Variants in CORO7 observed in about 807,000 individuals in gnomAD.
CORO7 encodes the protein coronin-7.
In CORO7, 107 loss-of-function variants were observed where a neutral mutation model predicts 126.6. The observed-to-expected ratio is 0.85, with a 90% CI of 0.72 to 0.99. CORO7 has a LOEUF of 0.99. Among genes scored for constraint, CORO7 ranks in the 50% least tolerant of loss-of-function variants. CORO7 has a pLI of 0.00. For missense variants in CORO7, 1,314 were observed against 1,255.8 expected, an observed-to-expected ratio of 1.05 and a Z score of -0.70; for synonymous variants, 603 against 536.8, an observed-to-expected ratio of 1.12 and a Z score of -1.70.
At position 4,354,879 on chromosome 16, in the gene CORO7, T is replaced by C. The variant is rs1231852777; in HGVS notation, c.*279A>G. On this transcript the variant is annotated 3_prime_UTR_variant, in exon 28 of 28. Transcript: ENST00000251166. ...CAGGGGAGACAGGGTGCCCAGGGCC[T>C]GCCCAGGGACATGCTGCTGACCCCC... The C allele has an allele frequency of 2.4e-6, 1 of 418,912 alleles. No homozygotes were observed. Among genetic ancestry groups the C allele is most frequent in the Non-Finnish European group, 4.2e-6 (1 of 236,894 alleles). 25.9% of individuals were successfully genotyped at this position (418,912 alleles called of 1,614,324 possible). A position where few individuals can be genotyped will look rare whatever the true frequency, so the allele number is the denominator to read the frequency against.
At position 4,362,970 on chromosome 16, in the gene CORO7, T is replaced by G. The variant is rs1014349852; in HGVS notation, c.1276-232A>C. ...AGTGGCAGCTGCTGGCTCCCAGCCC[T>G]GCAGGAGGGTGTGCCCAGTGGGTTA... On this transcript the variant is annotated intron_variant, in intron 14 of 27. Coordinates refer to ENST00000251166, the MANE Select transcript of CORO7 (RefSeq NM_024535.5). The surrounding 1 kb of genome is among the most constrained non-coding windows in gnomAD (Gnocchi z 5.3). 10 of 408,526 alleles carry G rather than the reference T, an allele frequency of 2.4e-5. No homozygotes were observed. Among genetic ancestry groups the G allele is most frequent in the African/African-American group, 2.1e-4 (10 of 48,726 alleles). 25.3% of individuals were successfully genotyped at this position (408,526 alleles called of 1,614,324 possible).
intron 9 of CORO7, chr16:4,371,774 G>C (rs1259506440): frequency 1.3e-5 from 2 of 152,162 alleles, no homozygotes; most frequent in Non-Finnish European, 2.9e-5. Context: ...CCGGCCAATG[G>C]GGAGAGGCCC....
chr16:4,382,209 G>T, intron 9 of CORO7: 3 of 1,603,942 alleles, frequency 1.9e-6, no homozygotes, highest in Non-Finnish European at 2.5e-6. Context: ...GTGAGAGCCA[G>T]ATGGGGCAGG....
chr16:4,390,551 G>A (rs2055351422), intron 7 of CORO7, among the ~76,000 whole-genome samples: 1 of 152,220 alleles, frequency 6.6e-6, no homozygotes, highest in Non-Finnish European at 1.5e-5. Flanking sequence ...GAAACTGGAA[G>A]CAGAGAGACC....
At chr16:4,390,484 G>A (rs575883063) in intron 7 of CORO7, among the ~76,000 whole-genome samples, 1 of 152,210 alleles carries the variant, frequency 6.6e-6, no homozygotes, top group African/African-American at 2.4e-5. Flanking sequence ...TTCCTGCTAG[G>A]CTGGGAGGGT....
rs755829190 is a variant in CORO7 at position 4,381,829 on chromosome 16, G to A, written c.785+6157C>T. ...TGGCCCCTGGGTGCGCGAGAGCCAC[G>A]TCACACTGGCCAGCCCTGAGGAGAC... is the stretch of plus-strand genomic sequence containing the variant. On this transcript the variant is annotated intron_variant, in intron 9 of 27. Coordinates refer to ENST00000251166, the MANE Select transcript of CORO7 (RefSeq NM_024535.5). 6.9e-6 allele frequency: 11 copies of A among 1,601,210 alleles called. No homozygotes were observed. The East Asian group carries it at 1.1e-4, about 16-fold the overall frequency.
At chr16:4,399,205 A>C (rs2055711909) in intron 6 of CORO7, among the ~76,000 whole-genome samples, 1 of 152,196 alleles carries the variant, frequency 6.6e-6, no homozygotes, top group Admixed American at 6.5e-5. Context: ...TAGCAGCACT[A>C]CTCGCAATAG....
At chr16:4,387,763 C>A in intron 9 of CORO7, 1 of 594,788 alleles carries the variant, frequency 1.7e-6, no homozygotes, top group East Asian at 2.8e-5. Context: ...GCCCACTCTG[C>A]TACCAGGGGC....
In CORO7 at chr16:4,378,995, G is replaced by A. The variant is rs2054855861; in HGVS notation, c.785+8991C>T. On this transcript the variant is annotated intron_variant, in intron 9 of 27. Coordinates refer to ENST00000251166, the MANE Select transcript of CORO7 (RefSeq NM_024535.5). ...GGACAAGGGCTTCTTCCTTCACCTC[G>A]AGCTACCCGCAGACCCCAGTGGTCA... Among the ~76,000 whole-genome samples, 4 of 152,188 alleles carry A rather than the reference G, an allele frequency of 2.6e-5. 1 individual carries two copies. The Middle Eastern group carries it at 0.01, about 388-fold the overall frequency.
chr16:4,366,650 T>C (rs1175439003), intron 9 of CORO7, among the ~76,000 whole-genome samples: 2 of 150,948 alleles, frequency 1.3e-5, no homozygotes, highest in Admixed American at 1.3e-4. Context: ...CAAGCAATCT[T>C]CCCACTCAGC....
intron 9 of CORO7, 136 bp downstream of exon 9, chr16:4,387,850 G>A: frequency 9.1e-7 from 1 of 1,102,316 alleles, no homozygotes; most frequent in East Asian, 2.6e-5. Context: ...CTGTTGCAAG[G>A]CCTTGCAGCC....
intron 9 of CORO7, among the ~76,000 whole-genome samples, chr16:4,371,659 G>T (rs1057254457): frequency 6.6e-6 from 1 of 152,240 alleles, no homozygotes; most frequent in Non-Finnish European, 1.5e-5. Context: ...CCCACGACGG[G>T]CAAGGTCTCC....
At position 4,362,656 on chromosome 16, in the gene CORO7, C is replaced by T; in HGVS notation, c.1358G>A (p.Gly453Asp). The change falls in exon 15 of 28, where the codon GGC (glycine) becomes GAC (aspartate). Residue 453 changes from glycine to aspartate, a missense_variant. Physicochemically the swap from Gly to Asp is moderately conservative, Grantham distance 94. Coordinates refer to ENST00000251166, the MANE Select transcript of CORO7 (RefSeq NM_024535.5). This position sits in a 1 kb window ranked among gnomAD's most constrained non-coding sequence, Gnocchi z 5.3. ...CCTCAAACTGGGGCTGGTCCCGATGCCACTGGTGCTGGAGAGTGAGGGCCC... is the reference window on the plus strand; with the variant it reads ...CCTCAAACTGGGGCTGGTCCCGATGTCACTGGTGCTGGAGAGTGAGGGCCC... ...SLGPSLSSTS[G>D]IGTSPSLRSL... 1 of 1,550,968 alleles carries T rather than the reference C, an allele frequency of 6.4e-7. No homozygotes were observed. Among genetic ancestry groups the T allele is most frequent in the African/African-American group, 1.4e-5 (1 of 71,334 alleles).
intron 9 of CORO7, among the ~76,000 whole-genome samples, chr16:4,375,908 A>G (rs1277423546): frequency 6.6e-6 from 1 of 152,086 alleles, no homozygotes; most frequent in East Asian, 1.9e-4. Context: ...CAGGTGGGAG[A>G]CGGAAGCCCA....
intron 5 of CORO7, among the ~76,000 whole-genome samples, chr16:4,407,093 G>A (rs1418490598): frequency 1.3e-5 from 2 of 151,958 alleles, no homozygotes; most frequent in South Asian, 2.1e-4. Context: ...GATTACAGGT[G>A]TGTGCCACCA....
At position 4,361,114 on chromosome 16, in the gene CORO7, C is replaced by T. The variant is rs1181285684; in HGVS notation, c.1775-29G>A. 1.9e-6 allele frequency: 3 copies of T among 1,613,188 alleles called. No homozygotes were observed. The African/African-American group carries it at 4.0e-5, about 22-fold the overall frequency. On this transcript the variant is annotated intron_variant, in intron 18 of 27. Coordinates refer to ENST00000251166, the MANE Select transcript of CORO7 (RefSeq NM_024535.5). ...GAGGAAGGCAGGGGTGATCAGGAGC[C>T]CTTGGGAGACACTGGCCACCCCAGC... is the stretch of plus-strand genomic sequence containing the variant.
intron 26 of CORO7, 74 bp from the exon 27 acceptor site, chr16:4,355,446 C>G: frequency 6.7e-7 from 1 of 1,483,444 alleles, no homozygotes; most frequent in Non-Finnish European, 9.0e-7. Context: ...CAAGAACAAC[C>G]CTGACAAGGC....
Position 4,357,063 on chromosome 16 carries a change from G to A in CORO7, c.2685+105C>T, listed in dbSNP as rs2053997912. On this transcript the variant is annotated intron_variant, in intron 26 of 27. Coordinates refer to ENST00000251166, the MANE Select transcript of CORO7 (RefSeq NM_024535.5). ...CTCTGGTGTGAAGGGGACGTGACAT[G>A]TGGCTGCTGTCCCAGTCTGGGTTGG... 42 of 1,424,426 alleles carry A rather than the reference G, an allele frequency of 2.9e-5. No homozygotes were observed. The South Asian group carries it at 4.3e-4, about 15-fold the overall frequency. The allele number at this position is 1,424,426 out of a possible 1,614,324, so 88.2% of individuals were successfully genotyped here.
At chr16:4,414,195 A>G (rs1418828306) in intron 1 of CORO7, 3 of 151,560 alleles carry the variant, frequency 2.0e-5, no homozygotes, top group African/African-American at 4.8e-5. Context: ...CATCTCAAAA[A>G]AAAAAAAAAA....
Sources: gnomAD v4.1 joint callset for allele counts (sites outside exome capture counted in the v4.1 genomes callset) on GRCh38, gnomAD v4.1.1 for gene constraint, Gnocchi (gnomAD v3.1) non-coding constraint, MANE v1.5 for transcripts, NCBI Gene and HGNC (gene_info 2026-07-23, HGNC 2026-07-21) for gene names.